Variants in CFAP95 observed in about 807,000 individuals in gnomAD.
CFAP95 encodes cilia and flagella associated protein 95.
chr9:69,873,660 A>G, the CFAP95 span, among the ~76,000 whole-genome samples: 4,224 of 152,264 alleles, frequency 0.028, 84 homozygotes, highest in Middle Eastern at 0.041. Flanking sequence ...TAAGTCACGT[A>G]CTCACATTCA....
the CFAP95 span, among the ~76,000 whole-genome samples, chr9:69,868,081 A>G: frequency 6.6e-6 from 1 of 152,194 alleles, no homozygotes. Flanking sequence ...GCCTATAGGT[A>G]TAGTTTTTGC....
chr9:69,834,896 G>C, the CFAP95 span, among the ~76,000 whole-genome samples: 1 of 152,234 alleles, frequency 6.6e-6, no homozygotes, highest in African/African-American at 2.4e-5. Context: ...TTTTCTTTAT[G>C]ATTCTGCAAA....
At chr9:69,870,524 C>T in the CFAP95 span, among the ~76,000 whole-genome samples, 4 of 152,290 alleles carry the variant, frequency 2.6e-5, no homozygotes, top group Admixed American at 6.5e-5. Context: ...TTCATCCTTG[C>T]GATCTCAAGA....
chr9:69,834,058 C>G, the CFAP95 span, among the ~76,000 whole-genome samples: 1 of 152,146 alleles, frequency 6.6e-6, no homozygotes, highest in Non-Finnish European at 1.5e-5. Context: ...AAGATTAAGA[C>G]TATTGGAATA....
chr9:69,827,802 C>T, the CFAP95 span, among the ~76,000 whole-genome samples: 140 of 152,304 alleles, frequency 9.2e-4, 1 homozygote, highest in African/African-American at 3.3e-3. Flanking sequence ...CCTCTCACAG[C>T]CCCCGACTTA....
chr9:69,895,992 G>A, the CFAP95 span, among the ~76,000 whole-genome samples: 2 of 152,298 alleles, frequency 1.3e-5, no homozygotes, highest in African/African-American at 4.8e-5. Flanking sequence ...GTTAGGCCAT[G>A]AAGCTAAGTT....
the CFAP95 span, among the ~76,000 whole-genome samples, chr9:69,832,448 C>G: frequency 6.6e-6 from 1 of 152,118 alleles, no homozygotes; most frequent in African/African-American, 2.4e-5. Flanking sequence ...CTCCTTGTCT[C>G]AGCCCTTGCC....
chr9:69,862,683 A>T, the CFAP95 span, among the ~76,000 whole-genome samples: 1 of 152,212 alleles, frequency 6.6e-6, no homozygotes, highest in Non-Finnish European at 1.5e-5. Context: ...AAGGGAGAAA[A>T]ATCAGGATAA....
the CFAP95 span, among the ~76,000 whole-genome samples, chr9:69,848,548 C>G: frequency 1.3e-5 from 2 of 152,150 alleles, no homozygotes; most frequent in African/African-American, 4.8e-5. Context: ...TAAACATACC[C>G]AGGGGAAACC....
chr9:69,886,133 G>A, the CFAP95 span, among the ~76,000 whole-genome samples: 2 of 152,184 alleles, frequency 1.3e-5, no homozygotes, highest in African/African-American at 4.8e-5. Flanking sequence ...GTCCCTGGCT[G>A]TTAGTCACTG....
chr9:69,874,020 T>C, the CFAP95 span, among the ~76,000 whole-genome samples: 2 of 152,162 alleles, frequency 1.3e-5, no homozygotes, highest in Non-Finnish European at 2.9e-5. Flanking sequence ...CTACAACTGT[T>C]AAAGACAAAA....
At chr9:69,903,849 C>T in the CFAP95 span, among the ~76,000 whole-genome samples, 1 of 152,094 alleles carries the variant, frequency 6.6e-6, no homozygotes, top group African/African-American at 2.4e-5. Flanking sequence ...ACCTCAGCAT[C>T]ACGAGTAGCT....
the CFAP95 span, among the ~76,000 whole-genome samples, chr9:69,847,734 T>G: frequency 6.6e-6 from 1 of 152,172 alleles, no homozygotes; most frequent in African/African-American, 2.4e-5. Flanking sequence ...ACATTTTTGG[T>G]TTTTTTGCAA....
At chr9:69,848,888 A>T in the CFAP95 span, among the ~76,000 whole-genome samples, 4 of 152,268 alleles carry the variant, frequency 2.6e-5, no homozygotes, top group Admixed American at 6.5e-5. Context: ...GTCACCAGAA[A>T]CGCCCCGGGA....
the CFAP95 span, among the ~76,000 whole-genome samples, chr9:69,843,606 CTT>C: frequency 1.3e-5 from 1 of 74,734 alleles, no homozygotes; most frequent in Admixed American, 1.6e-4. Context: ...TCTTCTTCTT[CTT>C]CTTCTTCTTC....
the CFAP95 span, among the ~76,000 whole-genome samples, chr9:69,833,253 G>A: frequency 4.3e-4 from 66 of 152,068 alleles, no homozygotes; most frequent in African/African-American, 1.6e-3. Flanking sequence ...GCCTATTCTG[G>A]GCATTTCACA....
chr9:69,900,357 G>A, the CFAP95 span, among the ~76,000 whole-genome samples: 2 of 152,212 alleles, frequency 1.3e-5, no homozygotes, highest in African/African-American at 4.8e-5. Context: ...GATACATGAA[G>A]AGAAGGATGT....
chr9:69,839,480 G>A, the CFAP95 span, among the ~76,000 whole-genome samples: 20 of 152,116 alleles, frequency 1.3e-4, no homozygotes, highest in Admixed American at 1.2e-3. Context: ...GGCTACCAGT[G>A]TAGTGGTGTG....
the CFAP95 span, among the ~76,000 whole-genome samples, chr9:69,837,523 T>A: frequency 6.6e-6 from 1 of 152,254 alleles, no homozygotes. Flanking sequence ...GCTGCATAAA[T>A]GTCTTCTTTT....
Sources: allele counts gnomAD v4.1 joint callset (sites outside exome capture counted in the v4.1 genomes callset), GRCh38; gene constraint gnomAD v4.1.1; transcripts MANE v1.5; gene names NCBI Gene and HGNC (gene_info 2026-07-23, HGNC 2026-07-21).